The following VWA8 variants were observed in gnomAD, a reference collection of about 807,000 sequenced individuals.
VWA8 encodes the protein von Willebrand factor A domain containing 8, also known as von Willebrand factor A domain-containing protein 8.
In VWA8, 221 loss-of-function variants were observed where a neutral mutation model predicts 241.5. The observed-to-expected ratio is 0.91, with a 90% CI of 0.82 to 1.02. The LOEUF is 1.02. Ranked by LOEUF, VWA8 falls within the 50% of genes least tolerant of loss-of-function variation. The probability of loss-of-function intolerance (pLI) is 0.00; values close to 1 mark genes in which losing one functional copy is unlikely to be tolerated. For missense variants in VWA8, 2,322 were observed against 2,328.7 expected (o/e 1.00, Z 0.06); for synonymous variants, 852 against 827.1 (o/e 1.03, Z -0.52).
intron 2 of VWA8, among the ~76,000 whole-genome samples, chr13:41,931,538 T>C (rs1900442): frequency 0.36 from 54,603 of 151,796 alleles, 10,241 homozygotes; most frequent in African/African-American, 0.48. Context: ...TGAAATTGTA[T>C]TGAAATTCCT....
intron 28 of VWA8, among the ~76,000 whole-genome samples, chr13:41,700,797 A>G (rs571563000): frequency 6.6e-6 from 1 of 152,222 alleles, no homozygotes; most frequent in Non-Finnish European, 1.5e-5. Flanking sequence ...TTTTGTCTCA[A>G]CAATTCTCAT....
chr13:41,922,527 T>C (rs1174342488), intron 2 of VWA8, among the ~76,000 whole-genome samples: 1 of 152,108 alleles, frequency 6.6e-6, no homozygotes, highest in East Asian at 1.9e-4. Context: ...ATTTTTACAA[T>C]CTACCCATCT....
At chr13:41,676,209 T>C (rs1231591243) in intron 35 of VWA8, among the ~76,000 whole-genome samples, 1 of 152,106 alleles carries the variant, frequency 6.6e-6, no homozygotes, top group Non-Finnish European at 1.5e-5. Flanking sequence ...TGGACTTAAT[T>C]TTAGGTGTCA....
intron 37 of VWA8, among the ~76,000 whole-genome samples, chr13:41,626,806 T>TA (rs2044694944): frequency 6.6e-6 from 1 of 151,630 alleles, no homozygotes; most frequent in Non-Finnish European, 1.5e-5. Context: ...AACCTAAAAC[T>TA]AAAAAAACCC....
chr13:41,876,912 T>C (rs1049906945), intron 9 of VWA8, among the ~76,000 whole-genome samples: 1 of 152,138 alleles, frequency 6.6e-6, no homozygotes, highest in Non-Finnish European at 1.5e-5. Context: ...AATCCTGAAA[T>C]GTTCAATCTG....
chr13:41,580,797 C>A (rs949163521), intron 42 of VWA8, among the ~76,000 whole-genome samples: 1 of 152,150 alleles, frequency 6.6e-6, no homozygotes, highest in African/African-American at 2.4e-5. Flanking sequence ...CTCTTTGAAT[C>A]TTTGTTTTCT....
At chr13:41,692,782 G>A in intron 30 of VWA8, 80 bp downstream of exon 30, 1 of 1,096,872 alleles carries the variant, frequency 9.1e-7, no homozygotes, top group South Asian at 1.4e-5. Context: ...CACTTAAAGG[G>A]ATGGGCATGC....
At chr13:41,583,707 G>C (rs192673489) in intron 42 of VWA8, among the ~76,000 whole-genome samples, 41 of 151,016 alleles carry the variant, frequency 2.7e-4, no homozygotes, top group Non-Finnish European at 4.1e-4. Context: ...GGACCCTCAT[G>C]AGAGGGTCAT....
At chr13:41,719,279 G>T (rs1300887856) in intron 26 of VWA8, 4 of 966,896 alleles carry the variant, frequency 4.1e-6, no homozygotes, top group African/African-American at 3.5e-5. Flanking sequence ...ACAATGATGT[G>T]CACTGGATTA....
intron 37 of VWA8, among the ~76,000 whole-genome samples, chr13:41,628,780 C>A (rs890435778): frequency 6.6e-6 from 1 of 152,124 alleles, no homozygotes; most frequent in Non-Finnish European, 1.5e-5. Flanking sequence ...CAGTGGCTCA[C>A]GCCTGTAATC....
In VWA8 at chr13:41,819,098, T is replaced by C. The variant is rs1044334852; in HGVS notation, c.1869+120A>G. The C allele has an allele frequency of 6.0e-6, 6 of 997,202 alleles. No individual in the cohort carries two copies. The Admixed American group carries it at 2.0e-4, about 34-fold the overall frequency. 61.8% of individuals were successfully genotyped at this position (997,202 alleles called of 1,614,324 possible). Reference sequence around the variant, plus strand: ...TGACCTTCACCACTGTATGAAGAAATTTGGGAGTAAATGGGAAGAAAAAAC... The same window carrying C: ...TGACCTTCACCACTGTATGAAGAAACTTGGGAGTAAATGGGAAGAAAAAAC... On this transcript the variant is annotated intron_variant, in intron 15 of 44. Coordinates refer to ENST00000379310, the MANE Select transcript of VWA8 (RefSeq NM_015058.2).
At chr13:41,703,672 A>G (rs1398374426) in intron 26 of VWA8, among the ~76,000 whole-genome samples, 1 of 152,250 alleles carries the variant, frequency 6.6e-6, no homozygotes, top group Non-Finnish European at 1.5e-5. Context: ...CAATTGATTT[A>G]CATACATACT....
chr13:41,593,993 T>C (rs2044472847), intron 40 of VWA8, among the ~76,000 whole-genome samples: 1 of 152,150 alleles, frequency 6.6e-6, no homozygotes, highest in South Asian at 2.1e-4. Context: ...CATAAATACA[T>C]TGAGAAGGCA....
chr13:41,663,169 T>C (rs2044963468), intron 37 of VWA8, among the ~76,000 whole-genome samples: 1 of 152,110 alleles, frequency 6.6e-6, no homozygotes, highest in South Asian at 2.1e-4. Flanking sequence ...AGAACTGGAA[T>C]CCTTGAGTCA....
At chr13:41,713,146 G>A (rs2045328639) in intron 26 of VWA8, among the ~76,000 whole-genome samples, 1 of 152,316 alleles carries the variant, frequency 6.6e-6, no homozygotes, top group South Asian at 2.1e-4. Flanking sequence ...TGCTGTACTG[G>A]AGGCAAAGGT....
chr13:41,847,009 C>G (rs1872318901), intron 12 of VWA8, among the ~76,000 whole-genome samples: 1 of 152,124 alleles, frequency 6.6e-6, no homozygotes, highest in Non-Finnish European at 1.5e-5. Flanking sequence ...CTGGATGACA[C>G]AGCAAGATTA....
At chr13:41,824,252 A>G (rs1038913263) in intron 14 of VWA8, among the ~76,000 whole-genome samples, 1 of 152,224 alleles carries the variant, frequency 6.6e-6, no homozygotes, top group Non-Finnish European at 1.5e-5. Context: ...GAGGCTGGCA[A>G]GGCAGGCATG....
chr13:41,912,126 C>A lies in VWA8; in HGVS notation c.284G>T (p.Trp95Leu), dbSNP rs1566037005. The change falls in exon 3 of 45, where the codon TGG becomes TTG. Residue 95 changes from tryptophan to leucine, a missense_variant. Coordinates refer to ENST00000379310, the MANE Select transcript of VWA8 (RefSeq NM_015058.2). The stretch of plus-strand genomic sequence containing the variant: ...CCCCAAAAGATCCTTCTGCATTATC[C>A]ATCTTAGATGCTGAACTACAGATTG... ...LAQSVVQHLR[W>L]IMQKDLLGQD... 1 of 1,609,196 alleles carries A rather than the reference C, an allele frequency of 6.2e-7. No homozygotes were observed. The highest frequency in any genetic ancestry group is 1.7e-5 in the Admixed American group (1 of 59,946).
At chr13:41,810,495 C>T (rs1870418576) in intron 17 of VWA8, among the ~76,000 whole-genome samples, 1 of 152,102 alleles carries the variant, frequency 6.6e-6, no homozygotes, top group African/African-American at 2.4e-5. Flanking sequence ...AACTACAGCA[C>T]ATTATTTAAA....
Sources: gnomAD v4.1 joint callset for allele counts (sites outside exome capture counted in the v4.1 genomes callset) on GRCh38, gnomAD v4.1.1 for gene constraint, MANE v1.5 for transcripts, NCBI Gene and HGNC (gene_info 2026-07-23, HGNC 2026-07-21) for gene names.